Variants in GRID2 observed in about 807,000 individuals in gnomAD.
GRID2 encodes the protein glutamate ionotropic receptor delta type subunit 2, also known as glutamate receptor ionotropic, delta-2.
In GRID2, 33 loss-of-function variants were observed where a neutral mutation model predicts 114.8. The ratio of observed to expected loss-of-function variants is 0.29; its 90% CI spans 0.22 to 0.38. The LOEUF (loss-of-function observed/expected upper bound fraction) is 0.38. Among genes scored for constraint, GRID2 ranks in the 10% least tolerant of loss-of-function variants. GRID2 has a pLI of 1.00. For missense variants in GRID2, 1,184 were observed against 1,257.7 expected (o/e 0.94, Z 0.89); for synonymous variants, 505 against 449.9 (o/e 1.12, Z -1.55).
intron 1 of GRID2, among the ~76,000 whole-genome samples, chr4:92,338,516 C>T (rs4692970): frequency 9.9e-4 from 151 of 152,040 alleles, no homozygotes; most frequent in Non-Finnish European, 1.6e-3. Context: ...TGTTGAGACT[C>T]TTACAATATA....
At chr4:93,781,482 T>A (rs954077194) in intron 1 of GRID2, among the ~76,000 whole-genome samples, 9 of 152,014 alleles carry the variant, frequency 5.9e-5, no homozygotes, top group Non-Finnish European at 1.2e-4. Flanking sequence ...GCACCTTTGC[T>A]TTGATTTCTT....
chr4:92,460,051 T>TAC (rs1721415620), intron 1 of GRID2, among the ~76,000 whole-genome samples: 1 of 122,338 alleles, frequency 8.2e-6, no homozygotes, highest in Non-Finnish European at 1.7e-5. Flanking sequence ...TATATATATA[T>TAC]ATACACACAC....
chr4:92,444,873 A>G (rs1472208853), intron 1 of GRID2, among the ~76,000 whole-genome samples: 1 of 152,176 alleles, frequency 6.6e-6, no homozygotes, highest in African/African-American at 2.4e-5. Context: ...TATTTAAACA[A>G]ATAGGTAAAT....
chr4:92,481,836 C>A (rs568835252), intron 1 of GRID2, among the ~76,000 whole-genome samples: 1 of 151,264 alleles, frequency 6.6e-6, no homozygotes, highest in East Asian at 2.0e-4. Flanking sequence ...AATCCATGAG[C>A]TTAGAAAGTA....
intron 9 of GRID2, among the ~76,000 whole-genome samples, chr4:93,417,357 A>G (rs547479830): frequency 1.4e-4 from 21 of 152,270 alleles, no homozygotes; most frequent in Non-Finnish European, 2.5e-4. Context: ...CAGACACTTT[A>G]ATATGGCTTC....
intron 1 of GRID2, among the ~76,000 whole-genome samples, chr4:92,440,848 G>A (rs1560631089): frequency 6.6e-6 from 1 of 152,154 alleles, no homozygotes. Flanking sequence ...GTGGGAGGCT[G>A]AAGTCTGGGC....
chr4:92,397,865 G>A (rs568933334), intron 1 of GRID2, among the ~76,000 whole-genome samples: 4 of 152,290 alleles, frequency 2.6e-5, no homozygotes, highest in African/African-American at 9.6e-5. Flanking sequence ...AGTAAGGGTT[G>A]AATCAGAAAG....
intron 1 of GRID2, among the ~76,000 whole-genome samples, chr4:92,586,857 A>C (rs1011278565): frequency 1.3e-4 from 20 of 152,036 alleles, no homozygotes; most frequent in African/African-American, 3.9e-4. Flanking sequence ...AACATGATAT[A>C]GTTTTCATTT....
intron 1 of GRID2, among the ~76,000 whole-genome samples, chr4:92,313,065 A>G (rs570510429): frequency 1.4e-5 from 2 of 147,034 alleles, no homozygotes; most frequent in Non-Finnish European, 3.0e-5. Flanking sequence ...GAATGAGTGG[A>G]TAAAGAAACT....
intron 2 of GRID2, among the ~76,000 whole-genome samples, chr4:92,775,281 G>A (rs1010091438): frequency 2.0e-5 from 3 of 152,062 alleles, no homozygotes; most frequent in East Asian, 1.9e-4. Context: ...ATTACCTTTC[G>A]CTCACTGTTT....
At chr4:92,900,833 C>CA (rs34089162) in intron 2 of GRID2, among the ~76,000 whole-genome samples, 1,084 of 71,916 alleles carry the variant, frequency 0.015, 25 homozygotes, top group East Asian at 0.045. Flanking sequence ...GACTTCGTCT[C>CA]AAAAAAAAAA....
At chr4:93,178,457 T>C (rs891488050) in intron 4 of GRID2, among the ~76,000 whole-genome samples, 6 of 133,230 alleles carry the variant, frequency 4.5e-5, no homozygotes, top group African/African-American at 1.7e-4. Context: ...AGTACAGTGA[T>C]GCAATCACAG....
intron 4 of GRID2, among the ~76,000 whole-genome samples, chr4:93,146,375 T>C (rs1374476246): frequency 6.6e-6 from 1 of 152,120 alleles, no homozygotes; most frequent in Admixed American, 6.6e-5. Flanking sequence ...AAAAATTGAG[T>C]CAATGATGAA....
chr4:93,588,430 T>C (rs540004144), intron 13 of GRID2, among the ~76,000 whole-genome samples: 1 of 152,292 alleles, frequency 6.6e-6, no homozygotes, highest in Non-Finnish European at 1.5e-5. Context: ...AGATAACCTA[T>C]AAGCCAATGC....
intron 14 of GRID2, among the ~76,000 whole-genome samples, chr4:93,748,161 G>A (rs1426628639): frequency 6.6e-6 from 1 of 152,066 alleles, no homozygotes; most frequent in Non-Finnish European, 1.5e-5. Context: ...ACAGAAAAGA[G>A]TATTTGTTTG....
chr4:92,605,941 C>A (rs1007946451), intron 2 of GRID2, among the ~76,000 whole-genome samples: 1 of 146,732 alleles, frequency 6.8e-6, no homozygotes, highest in Admixed American at 6.8e-5. Flanking sequence ...TTTACTGGAC[C>A]CTTTTTAGAT....
At chr4:92,932,715 A>G (rs1438363706) in intron 2 of GRID2, among the ~76,000 whole-genome samples, 1 of 151,384 alleles carries the variant, frequency 6.6e-6, no homozygotes, top group Admixed American at 6.6e-5. Flanking sequence ...ATACAATGAA[A>G]TACTACACTG....
At chr4:93,567,795 A>G (rs1380512264) in intron 13 of GRID2, among the ~76,000 whole-genome samples, 2 of 152,190 alleles carry the variant, frequency 1.3e-5, no homozygotes, top group African/African-American at 2.4e-5. Flanking sequence ...CCATGCTCCC[A>G]GCCTTGTTGA....
intron 8 of GRID2, among the ~76,000 whole-genome samples, chr4:93,244,009 T>C (rs887896153): frequency 6.6e-6 from 1 of 152,092 alleles, no homozygotes; most frequent in African/African-American, 2.4e-5. Flanking sequence ...CAAAAGTTAT[T>C]ATAAGAAGAC....
Sources: gnomAD v4.1 joint callset for allele counts (sites outside exome capture counted in the v4.1 genomes callset) on GRCh38, gnomAD v4.1.1 for gene constraint, MANE v1.5 for transcripts, NCBI Gene and HGNC (gene_info 2026-07-23, HGNC 2026-07-21) for gene names.